Variants in TNS3 observed in about 807,000 individuals in gnomAD.
TNS3 encodes the protein tensin-3.
Under a neutral mutation model 140.9 loss-of-function variants are expected in TNS3, and 45 were observed. The observed-to-expected ratio is 0.32, with a 90% CI of 0.25 to 0.41. TNS3 has a LOEUF of 0.41. TNS3 is among the 10% of genes least tolerant of loss of function. The pLI is 1.00. For synonymous variants in TNS3, 815 were observed against 788.4 expected (o/e 1.03, Z -0.56); for missense variants, 1,716 against 1,906.7 (o/e 0.90, Z 1.86).
chr7:47,387,928 A>C (rs1792166342), intron 16 of TNS3, among the ~76,000 whole-genome samples: 2 of 152,230 alleles, frequency 1.3e-5, no homozygotes, highest in African/African-American at 4.8e-5. Context: ...TCAAATACTT[A>C]AAGTCAGCAG....
intron 17 of TNS3, among the ~76,000 whole-genome samples, chr7:47,356,309 C>G (rs1017043398): frequency 2.6e-5 from 4 of 152,226 alleles, no homozygotes; most frequent in Non-Finnish European, 5.9e-5. Flanking sequence ...ACCTAGGTGT[C>G]AGTATTTTTA....
At chr7:47,474,575 TCACAA>T (rs1797098983) in intron 4 of TNS3, among the ~76,000 whole-genome samples, 1 of 107,684 alleles carries the variant, frequency 9.3e-6, no homozygotes. Context: ...CACACACACC[TCACAA>T]CACACACAAG....
chr7:47,332,008 A>G (rs1788370678), intron 20 of TNS3, among the ~76,000 whole-genome samples: 1 of 152,250 alleles, frequency 6.6e-6, no homozygotes, highest in Non-Finnish European at 1.5e-5. Context: ...GAAGCAGACT[A>G]CATATTCCTT....
At chr7:47,492,895 G>A (rs1232717098) in intron 3 of TNS3, among the ~76,000 whole-genome samples, 1 of 152,226 alleles carries the variant, frequency 6.6e-6, no homozygotes, top group Non-Finnish European at 1.5e-5. Context: ...GCCTGTGAGA[G>A]CCAAGGCCCG....
intron 1 of TNS3, among the ~76,000 whole-genome samples, chr7:47,556,476 G>A (rs1448576173): frequency 6.6e-6 from 1 of 152,202 alleles, no homozygotes; most frequent in Non-Finnish European, 1.5e-5. Context: ...CCTCCGGCCT[G>A]AGTCTGGGCA....
intron 4 of TNS3, among the ~76,000 whole-genome samples, chr7:47,477,125 C>T (rs1363869867): frequency 1.3e-5 from 2 of 152,192 alleles, no homozygotes; most frequent in Non-Finnish European, 2.9e-5. Context: ...ATGACAGACA[C>T]CCTTACAGTC....
intron 4 of TNS3, among the ~76,000 whole-genome samples, chr7:47,458,690 C>A (rs1400517900): frequency 1.3e-5 from 2 of 152,210 alleles, no homozygotes; most frequent in African/African-American, 4.8e-5. Flanking sequence ...CCCGCAGGTG[C>A]AGGCTTGCAG....
At chr7:47,350,563 G>A (rs1272727948) in intron 17 of TNS3, among the ~76,000 whole-genome samples, 5 of 152,192 alleles carry the variant, frequency 3.3e-5, no homozygotes, top group Admixed American at 1.3e-4. Flanking sequence ...TCAAGGCGTT[G>A]CTACCGGGCT....
chr7:47,340,039 ATGTGTATATG>A (rs1253492563), intron 20 of TNS3, among the ~76,000 whole-genome samples: 3 of 134,824 alleles, frequency 2.2e-5, no homozygotes, highest in South Asian at 2.4e-4. Flanking sequence ...ATGTATACAT[ATGTGTATATG>A]TGTGTATATA....
chr7:47,372,954 T>C (rs747750531), intron 16 of TNS3, among the ~76,000 whole-genome samples: 3 of 152,208 alleles, frequency 2.0e-5, no homozygotes, highest in Admixed American at 1.3e-4. Flanking sequence ...AATCACTCTG[T>C]AGGAGCACAG....
chr7:47,421,068 G>C (rs1043899490), intron 10 of TNS3, among the ~76,000 whole-genome samples: 3 of 152,106 alleles, frequency 2.0e-5, no homozygotes, highest in African/African-American at 4.8e-5. Flanking sequence ...GCAACACTCA[G>C]GAGAGATCAG....
intron 20 of TNS3, among the ~76,000 whole-genome samples, chr7:47,329,923 C>A (rs952757050): frequency 6.6e-6 from 1 of 152,160 alleles, no homozygotes; most frequent in African/African-American, 2.4e-5. Context: ...GTGCCCGTGT[C>A]ACAGCCATGA....
intron 1 of TNS3, chr7:47,557,268 G>A (rs1486092167): frequency 2.5e-6 from 1 of 397,436 alleles, no homozygotes; most frequent in African/African-American, 2.0e-5. Context: ...TGCAGTCACG[G>A]GTGATATGCA....
intron 20 of TNS3, among the ~76,000 whole-genome samples, chr7:47,337,592 A>G (rs1186300449): frequency 6.6e-6 from 1 of 152,188 alleles, no homozygotes; most frequent in Non-Finnish European, 1.5e-5. Context: ...ATTTCCTCCT[A>G]TCTCTTCTGA....
intron 23 of TNS3, among the ~76,000 whole-genome samples, chr7:47,298,973 C>G (rs1326270912): frequency 6.6e-6 from 1 of 152,106 alleles, no homozygotes; most frequent in Non-Finnish European, 1.5e-5. Flanking sequence ...GCTGGTAGCT[C>G]CAGCCAGGCC....
chr7:47,319,506 T>A (rs1787605802), intron 20 of TNS3, among the ~76,000 whole-genome samples: 1 of 152,066 alleles, frequency 6.6e-6, no homozygotes, highest in African/African-American at 2.4e-5. Flanking sequence ...CTCGTTACCA[T>A]GAGGACAGCA....
chr7:47,363,284 CCAT>C (rs896777765), intron 17 of TNS3, among the ~76,000 whole-genome samples: 1 of 149,954 alleles, frequency 6.7e-6, no homozygotes, highest in African/African-American at 2.5e-5. Context: ...ACAGTCATTA[CCAT>C]CATCACCATC....
At chr7:47,325,097 C>T (rs1022201643) in intron 20 of TNS3, among the ~76,000 whole-genome samples, 5 of 152,116 alleles carry the variant, frequency 3.3e-5, no homozygotes, top group African/African-American at 1.2e-4. Context: ...GTATCCATTA[C>T]TCCCATCAAC....
rs201535455 is a variant in TNS3, at chr7:47,543,330, A to AG, written c.-264-14184dup. 8.2e-3 allele frequency among the ~76,000 whole-genome samples: 1,246 copies of AG among 152,352 alleles called. 18 individuals carry two copies. Among genetic ancestry groups the AG allele is most frequent in the African/African-American group, 0.028 (1,182 of 41,592 alleles). On this transcript the variant is annotated intron_variant, in intron 1 of 30. Transcript: ENST00000311160. ...GCAAACATCTTCACACCTGTTCCCCAGGGCCATGCTGGAGGGGGAAGACCA... is the reference window on the plus strand; with the variant it reads ...GCAAACATCTTCACACCTGTTCCCCAGGGGCCATGCTGGAGGGGGAAGACCA...
Sources: allele counts gnomAD v4.1 joint callset (sites outside exome capture counted in the v4.1 genomes callset), GRCh38; gene constraint gnomAD v4.1.1; transcripts MANE v1.5; gene names NCBI Gene and HGNC (gene_info 2026-07-23, HGNC 2026-07-21).